PPP1R13B: variants seen among roughly 807,000 people sequenced by gnomAD.
The protein encoded by PPP1R13B is protein phosphatase 1 regulatory subunit 13B, also known as apoptosis-stimulating of p53 protein 1.
In PPP1R13B, 44 loss-of-function variants were observed where a neutral mutation model predicts 119.8. That is an observed-to-expected ratio of 0.37 (90% CI 0.29 to 0.47). The LOEUF (loss-of-function observed/expected upper bound fraction) is 0.47, where lower values mean the gene tolerates loss of function less well. Ranked by LOEUF, PPP1R13B falls within the 20% of genes least tolerant of loss-of-function variation. The probability of loss-of-function intolerance (pLI) is 0.99; values close to 1 mark genes in which losing one functional copy is unlikely to be tolerated. For synonymous variants in PPP1R13B, 542 were observed against 561.5 expected (o/e 0.97, Z 0.49); for missense variants, 1,227 against 1,413.5 (o/e 0.87, Z 2.12).
At chr14:103,812,693 G>C (rs369370691) in intron 1 of PPP1R13B, among the ~76,000 whole-genome samples, 12 of 152,174 alleles carry the variant, frequency 7.9e-5, no homozygotes, top group Non-Finnish European at 1.8e-4. Context: ...AGGATTACAC[G>C]CGTGAGCCAC....
chr14:103,778,624 T>G, intron 4 of PPP1R13B, 121 bp downstream of exon 4: 1 of 763,762 alleles, frequency 1.3e-6, no homozygotes, highest in East Asian at 2.5e-5. Flanking sequence ...CCAGCTGATC[T>G]CAAACTCCTG....
At chr14:103,752,686 C>T (rs946777659) in intron 7 of PPP1R13B, among the ~76,000 whole-genome samples, 1 of 152,036 alleles carries the variant, frequency 6.6e-6, no homozygotes, top group African/African-American at 2.4e-5. Flanking sequence ...GGGCATGCGC[C>T]ACCACGCCCA....
chr14:103,739,385 C>T (rs1481420435), intron 12 of PPP1R13B: 1 of 317,126 alleles, frequency 3.2e-6, no homozygotes, highest in Non-Finnish European at 5.8e-6. Flanking sequence ...CGACAGGGTT[C>T]TTCCTGCTAT....
At chr14:103,779,502 C>CTGGCA (rs2085289322) in intron 3 of PPP1R13B, among the ~76,000 whole-genome samples, 1 of 151,720 alleles carries the variant, frequency 6.6e-6, no homozygotes, top group African/African-American at 2.4e-5. Context: ...TGGCTCATGT[C>CTGGCA]TGTATTCCCA....
chr14:103,847,473 C>T lies in PPP1R13B; in HGVS notation c.-166G>A. The stretch of plus-strand genomic sequence containing the variant: ...CGGCGGGCTGCGGGGCTCTCGCTGG[C>T]CCTGTCGCGGCCGCCGGCGCGCTGC... On this transcript the variant is annotated 5_prime_UTR_variant, in exon 1 of 17. Coordinates refer to ENST00000202556, the MANE Select transcript of PPP1R13B (RefSeq NM_015316.3). 3 of 990,032 alleles carry T rather than the reference C, an allele frequency of 3.0e-6. No homozygotes were observed. Among genetic ancestry groups the T allele is most frequent in the Non-Finnish European group, 2.4e-6 (2 of 834,126 alleles). The allele number at this position is 990,032 out of a possible 1,614,324, so 61.3% of individuals were successfully genotyped here.
chr14:103,843,325 G>A (rs1450951067), intron 1 of PPP1R13B, among the ~76,000 whole-genome samples: 6 of 152,016 alleles, frequency 3.9e-5, no homozygotes, highest in Non-Finnish European at 8.8e-5. Flanking sequence ...AGTGAGCTGA[G>A]ATCCTGCCAC....
At chr14:103,832,027 G>A (rs2086674822) in intron 1 of PPP1R13B, among the ~76,000 whole-genome samples, 1 of 151,772 alleles carries the variant, frequency 6.6e-6, no homozygotes. Flanking sequence ...GATTGTTTGA[G>A]TCCAGGAGTT....
intron 7 of PPP1R13B, among the ~76,000 whole-genome samples, chr14:103,750,548 AG>A (rs2151977486): frequency 6.6e-6 from 1 of 152,354 alleles, no homozygotes; most frequent in African/African-American, 2.4e-5. Flanking sequence ...ACTGGATTGC[AG>A]GCCGGGTGCG....
At chr14:103,779,611 CA>C (rs11295714) in intron 3 of PPP1R13B, among the ~76,000 whole-genome samples, 53,514 of 137,034 alleles carry the variant, frequency 0.39, 9,842 homozygotes, top group African/African-American at 0.47. Context: ...TCTGTCTCTA[CA>C]AAAAAAAAAA....
At position 103,778,833 on chromosome 14, in the gene PPP1R13B, A is replaced by G; in HGVS notation, c.278-12T>C. The G allele has an allele frequency of 6.2e-7, 1 of 1,608,812 alleles. No individual in the cohort carries two copies. Among genetic ancestry groups the G allele is most frequent in the Non-Finnish European group, 8.5e-7 (1 of 1,175,316 alleles). On this transcript the variant is annotated splice_polypyrimidine_tract_variant and intron_variant, in intron 3 of 16. Coordinates refer to ENST00000202556, the MANE Select transcript of PPP1R13B (RefSeq NM_015316.3). ...GGTCTGACGGCCACCTAAAGAAATA[A>G]AAGAACCAAACTCACCAAAAGGCGT...
intron 1 of PPP1R13B, among the ~76,000 whole-genome samples, chr14:103,833,157 A>G (rs1012695387): frequency 6.6e-6 from 1 of 152,230 alleles, no homozygotes; most frequent in South Asian, 2.1e-4. Context: ...TAACATTAAA[A>G]TAATCCTTCA....
At chr14:103,751,382 C>T (rs371490371) in intron 7 of PPP1R13B, among the ~76,000 whole-genome samples, 1 of 152,234 alleles carries the variant, frequency 6.6e-6, no homozygotes, top group African/African-American at 2.4e-5. Flanking sequence ...AGTGATTTTA[C>T]TCTATGTAGT....
Position 103,847,517 on chromosome 14 carries a change from C to A in PPP1R13B, c.-210G>T, listed in dbSNP as rs564274155. The A allele has an allele frequency of 4.1e-6, 4 of 985,212 alleles. No individual in the cohort carries two copies. In the East Asian group the frequency reaches 3.4e-4, roughly 84 times the overall value. The allele number at this position is 985,212 out of a possible 1,614,324, so 61.0% of individuals were successfully genotyped here. A position where few individuals can be genotyped will look rare whatever the true frequency, so the allele number is the denominator to read the frequency against. On this transcript the variant is annotated 5_prime_UTR_variant, in exon 1 of 17. Transcript: ENST00000202556. ...GCGCTGCGTCGCTGTCCCGGGCACC[C>A]GGCCGCCGCCGCCGCCGCCTCAACC...
chr14:103,770,188 C>T (rs1170980192), intron 4 of PPP1R13B, among the ~76,000 whole-genome samples: 13 of 151,970 alleles, frequency 8.6e-5, no homozygotes, highest in Admixed American at 5.9e-4. Context: ...CCACCACGCC[C>T]GGCCCAATAT....
intron 3 of PPP1R13B, among the ~76,000 whole-genome samples, chr14:103,780,328 A>G (rs1025819838): frequency 6.6e-6 from 1 of 151,734 alleles, no homozygotes; most frequent in African/African-American, 2.4e-5. Context: ...TTTACCAAAA[A>G]TACAAAAAAT....
chr14:103,796,276 C>A (rs962470810), intron 2 of PPP1R13B, among the ~76,000 whole-genome samples: 1 of 152,018 alleles, frequency 6.6e-6, no homozygotes, highest in Non-Finnish European at 1.5e-5. Context: ...GAGAAAGACA[C>A]TGTCTCAAAA....
chr14:103,797,370 C>T lies in PPP1R13B; in HGVS notation c.157+1G>A. 1.2e-6 allele frequency: 2 copies of T among 1,613,592 alleles called. No individual in the cohort carries two copies. The highest frequency in any genetic ancestry group is 1.7e-6 in the Non-Finnish European group (2 of 1,179,820). On this transcript the variant is annotated splice_donor_variant, in intron 2 of 16. Transcript: ENST00000202556. LOFTEE classifies it high-confidence loss of function. ...CAATCTTTACAGGACCTAATACATACCATTTCCCCTCCACACTTCAGCTAA... is the reference window on the plus strand; with the variant it reads ...CAATCTTTACAGGACCTAATACATATCATTTCCCCTCCACACTTCAGCTAA...
chr14:103,740,726 T>G lies in PPP1R13B; in HGVS notation c.1823-133A>C. The G allele has an allele frequency of 2.5e-6, 2 of 794,206 alleles. No individual in the cohort carries two copies. The allele number at this position is 794,206 out of a possible 1,614,324, so 49.2% of individuals were successfully genotyped here. Reference sequence around the variant, plus strand: ...TCTGCTGCTGTTATTCAATTCTCATTTCAAATCTCTGAGGAAACCTCCCCC... The same window carrying G: ...TCTGCTGCTGTTATTCAATTCTCATGTCAAATCTCTGAGGAAACCTCCCCC... On this transcript the variant is annotated intron_variant, in intron 11 of 16. Transcript: ENST00000202556. The surrounding 1 kb of genome is among the most constrained non-coding windows in gnomAD (Gnocchi z 4.6).
At chr14:103,831,868 G>A (rs757603306) in intron 1 of PPP1R13B, among the ~76,000 whole-genome samples, 11 of 151,526 alleles carry the variant, frequency 7.3e-5, no homozygotes, top group East Asian at 2.0e-4. Context: ...CCTGGGAGGC[G>A]GAGGTTGCAG....
Sources: allele counts gnomAD v4.1 joint callset (sites outside exome capture counted in the v4.1 genomes callset), GRCh38; gene constraint gnomAD v4.1.1; non-coding constraint Gnocchi (gnomAD v3.1); transcripts MANE v1.5; gene names NCBI Gene and HGNC (gene_info 2026-07-23, HGNC 2026-07-21).